The following PPM1B variants were observed in gnomAD, a reference collection of about 807,000 sequenced individuals.
PPM1B encodes protein phosphatase 1B.
A neutral mutation model predicts 43.0 loss-of-function variants in PPM1B; 22 were observed. The ratio of observed to expected loss-of-function variants is 0.51; its 90% CI spans 0.37 to 0.73. The LOEUF (loss-of-function observed/expected upper bound fraction) is 0.73. Among genes scored for constraint, PPM1B ranks in the 30% least tolerant of loss-of-function variants. PPM1B has a pLI of 0.00. For missense variants in PPM1B, 632 were observed against 584.2 expected, an observed-to-expected ratio of 1.08 and a Z score of -0.84; for synonymous variants, 217 against 197.9, an observed-to-expected ratio of 1.10 and a Z score of -0.81.
intron 5 of PPM1B, 41 bp from the exon 6 acceptor site, chr2:44,230,372 A>C (rs1178200573): frequency 6.3e-7 from 1 of 1,597,546 alleles, no homozygotes; most frequent in Admixed American, 1.8e-5. Flanking sequence ...GTGATATCCT[A>C]GTTTGTCTAC....
chr2:44,235,643 G>T (rs1670588320), downstream of PPM1B, among the ~76,000 whole-genome samples: 1 of 149,998 alleles, frequency 6.7e-6, no homozygotes, highest in Non-Finnish European at 1.5e-5. Flanking sequence ...AGCTGAATGT[G>T]GTAGCTTATG....
In PPM1B at chr2:44,230,872, C is replaced by A. The variant is rs1317673592; in HGVS notation, c.*154C>A. On this transcript the variant is annotated 3_prime_UTR_variant, in exon 6 of 6. Coordinates refer to ENST00000282412, the MANE Select transcript of PPM1B (RefSeq NM_002706.6). ...TGTTTTTTAAAAAGGCCTTTGCATA[C>A]ACCTTTATGAGATAGTGTAAAATTG... 3.9e-5 allele frequency: 55 copies of A among 1,397,696 alleles called. 2 individuals are homozygous for A. The South Asian group carries it at 8.4e-4, about 21-fold the overall frequency. The allele number at this position is 1,397,696 out of a possible 1,614,324, so 86.6% of individuals were successfully genotyped here.
downstream of PPM1B, chr2:44,232,277 T>C (rs774494849): frequency 8.2e-6 from 13 of 1,591,432 alleles, no homozygotes; most frequent in South Asian, 9.3e-5. Context: ...GGAAGTGGCA[T>C]AGGTAAATAA....
chr2:44,194,898 CTTTTTTTTT>C (rs796213050), intron 1 of PPM1B, among the ~76,000 whole-genome samples: 7 of 123,260 alleles, frequency 5.7e-5, no homozygotes, highest in African/African-American at 1.9e-4. Flanking sequence ...CAGTCTTTTG[CTTTTTTTTT>C]TTTTTTTTTG....
At chr2:44,180,649 T>G (rs1188192061) in intron 1 of PPM1B, among the ~76,000 whole-genome samples, 1 of 152,056 alleles carries the variant, frequency 6.6e-6, no homozygotes, top group Non-Finnish European at 1.5e-5. Context: ...CTCACTCTGT[T>G]GTCCAGGCTA....
At chr2:44,217,247 A>G (rs1669762958) in intron 3 of PPM1B, among the ~76,000 whole-genome samples, 1 of 151,956 alleles carries the variant, frequency 6.6e-6, no homozygotes, top group Non-Finnish European at 1.5e-5. Flanking sequence ...TAAAAATACA[A>G]AATTAGCCAG....
intron 1 of PPM1B, among the ~76,000 whole-genome samples, chr2:44,189,999 A>G (rs1668327278): frequency 6.6e-6 from 1 of 151,532 alleles, no homozygotes; most frequent in East Asian, 1.9e-4. Context: ...CACTTTTATC[A>G]TGTGGATTAT....
chr2:44,218,163 C>A, intron 4 of PPM1B, 85 bp downstream of exon 4: 1 of 984,192 alleles, frequency 1.0e-6, no homozygotes, highest in East Asian at 2.5e-5. Flanking sequence ...ATCAGAAGTA[C>A]ATCAATTATC....
Position 44,207,592 on chromosome 2 carries a change from T to C in PPM1B, c.847-1618T>C, listed in dbSNP as rs77349976. ...TATATATGATATGCTTTTTTTTTTT[T>C]TGAGAGAGAGTCTTGCTCTGTTGCC... On this transcript the variant is annotated intron_variant, in intron 2 of 5. Transcript: ENST00000282412. 5.9e-5 allele frequency among the ~76,000 whole-genome samples: 9 copies of C among 152,154 alleles called. No homozygotes were observed. The East Asian group carries it at 1.5e-3, about 26-fold the overall frequency.
At chr2:44,190,461 G>A (rs1668358822) in intron 1 of PPM1B, among the ~76,000 whole-genome samples, 1 of 152,026 alleles carries the variant, frequency 6.6e-6, no homozygotes. Flanking sequence ...GCCTGGCCAA[G>A]TATATTTGAT....
chr2:44,206,551 A>G (rs1669197325), intron 2 of PPM1B, among the ~76,000 whole-genome samples: 3 of 152,260 alleles, frequency 2.0e-5, no homozygotes, highest in Non-Finnish European at 2.9e-5. Flanking sequence ...AAGTATTTAT[A>G]TTTTATAACT....
At chr2:44,199,812 A>G (rs1558406762) in intron 1 of PPM1B, among the ~76,000 whole-genome samples, 2 of 152,240 alleles carry the variant, frequency 1.3e-5, no homozygotes, top group African/African-American at 4.8e-5. Context: ...AGTATCACAT[A>G]TAACCCAGGA....
At chr2:44,238,103 A>C (rs1670667548), downstream of PPM1B, among the ~76,000 whole-genome samples, 1 of 151,844 alleles carries the variant, frequency 6.6e-6, no homozygotes, top group Non-Finnish European at 1.5e-5. Flanking sequence ...GAGTTTCACC[A>C]TGTTGGCCAG....
At chr2:44,215,005 T>C (rs1476766525) in intron 3 of PPM1B, among the ~76,000 whole-genome samples, 5 of 152,230 alleles carry the variant, frequency 3.3e-5, no homozygotes, top group Non-Finnish European at 7.3e-5. Flanking sequence ...CAGTTTAACA[T>C]GAGTTAATAA....
intron 1 of PPM1B, among the ~76,000 whole-genome samples, chr2:44,180,302 A>G (rs1667810138): frequency 6.6e-6 from 1 of 152,178 alleles, no homozygotes; most frequent in Non-Finnish European, 1.5e-5. Context: ...AAAGGGCTAC[A>G]GGGATAGACT....
chr2:44,228,014 C>T (rs1204251076), intron 5 of PPM1B, among the ~76,000 whole-genome samples: 3 of 147,946 alleles, frequency 2.0e-5, no homozygotes, highest in African/African-American at 5.0e-5. Context: ...CTCCGCCCTC[C>T]GAGTTCAAGC....
In PPM1B at chr2:44,230,585, C is replaced by G. The variant is rs143358669; in HGVS notation, c.1307C>G (p.Ala436Gly). 2 of 1,614,022 alleles carry G rather than the reference C, an allele frequency of 1.2e-6. No homozygotes were observed. The highest frequency in any genetic ancestry group is 2.7e-5 in the African/African-American group (2 of 74,920). ...EESPAEPAAT[A>G]TSSNSDAGNP... ...AGCCCTGCTGAACCAGCTGCCACAG[C>G]TACTTCTTCGAACAGTGATGCTGGA... Residue 436 changes from alanine (A) to glycine (G), a missense_variant, in exon 6 of 6, where the codon GCT (alanine) becomes GGT (glycine). Physicochemically the swap from Ala to Gly is moderately conservative, Grantham distance 60. Around this residue, in one of 3 missense-constraint regions of PPM1B, gnomAD observed 392 missense variants for 302.7 expected, o/e 1.29. Transcript: ENST00000282412.
intron 1 of PPM1B, among the ~76,000 whole-genome samples, chr2:44,193,529 G>T (rs1295622948): frequency 6.6e-6 from 1 of 151,434 alleles, no homozygotes; most frequent in Non-Finnish European, 1.5e-5. Flanking sequence ...TAGTAGCTAG[G>T]ACTACATGTG....
downstream of PPM1B, among the ~76,000 whole-genome samples, chr2:44,245,218 G>T (rs997997567): frequency 6.6e-6 from 1 of 152,188 alleles, no homozygotes; most frequent in African/African-American, 2.4e-5. Context: ...TAGTTCTGAA[G>T]ATTTGTCATT....
Sources: allele counts gnomAD v4.1 joint callset (sites outside exome capture counted in the v4.1 genomes callset), GRCh38; gene constraint gnomAD v4.1.1; regional missense constraint gnomAD v4.1.1; transcripts MANE v1.5; gene names NCBI Gene and HGNC (gene_info 2026-07-23, HGNC 2026-07-21).